SASH1: variants seen among roughly 807,000 people sequenced by gnomAD.
The protein encoded by SASH1 is SAM and SH3 domain-containing protein 1.
Under a neutral mutation model 125.2 loss-of-function variants are expected in SASH1, and 44 were observed. The ratio of observed to expected loss-of-function variants is 0.35; its 90% CI spans 0.28 to 0.45. The LOEUF (loss-of-function observed/expected upper bound fraction) is 0.45. Ranked by LOEUF, SASH1 falls within the 20% of genes least tolerant of loss-of-function variation. The pLI is 1.00. For missense variants in SASH1, 1,426 were observed against 1,614.5 expected (o/e 0.88, Z 2.00); for synonymous variants, 639 against 649.1 (o/e 0.98, Z 0.24).
At chr6:148,494,568 A>G (rs1779236858) in intron 8 of SASH1, among the ~76,000 whole-genome samples, 1 of 152,182 alleles carries the variant, frequency 6.6e-6, no homozygotes, top group Admixed American at 6.5e-5. Flanking sequence ...TAGAGGTTGC[A>G]GTGAGCCGAG....
the SASH1 span, among the ~76,000 whole-genome samples, chr6:148,229,099 A>C: frequency 7.7e-6 from 1 of 130,596 alleles, no homozygotes; most frequent in Non-Finnish European, 1.5e-5. Flanking sequence ...GCACTACTGC[A>C]CTCCAGCCTG....
the SASH1 span, among the ~76,000 whole-genome samples, chr6:148,196,677 C>G: frequency 6.6e-6 from 1 of 152,282 alleles, no homozygotes; most frequent in South Asian, 2.1e-4. Context: ...AAGACGTGAT[C>G]TTGACTCAGG....
At chr6:148,241,022 T>A in the SASH1 span, among the ~76,000 whole-genome samples, 2 of 152,216 alleles carry the variant, frequency 1.3e-5, no homozygotes, top group African/African-American at 4.8e-5. Context: ...AAACAAAACA[T>A]GTCAAAGTCT....
chr6:148,310,956 T>C (rs1780309938), intron 1 of SASH1, among the ~76,000 whole-genome samples: 1 of 151,762 alleles, frequency 6.6e-6, no homozygotes, highest in South Asian at 2.1e-4. Flanking sequence ...TTTTGTTTTG[T>C]TTTTTTGAGC....
At chr6:148,499,643 A>G (rs1282304523) in intron 8 of SASH1, among the ~76,000 whole-genome samples, 1 of 152,166 alleles carries the variant, frequency 6.6e-6, no homozygotes, top group Non-Finnish European at 1.5e-5. Context: ...TTCCCAGAGA[A>G]GGTGGTTGAC....
intron 1 of SASH1, 85 bp downstream of exon 1, chr6:148,343,308 A>C: frequency 7.4e-7 from 1 of 1,348,648 alleles, no homozygotes; most frequent in Non-Finnish European, 1.0e-6. Context: ...TCGCCCACCC[A>C]CTGGGCAACC....
At chr6:148,272,412 G>A (rs1026059855) in intron 1 of SASH1, 2 of 469,742 alleles carry the variant, frequency 4.3e-6, no homozygotes, top group Admixed American at 4.7e-5. Flanking sequence ...TTTTAAGACT[G>A]TTTTTGGTGC....
chr6:148,282,753 C>T (rs998937378), intron 1 of SASH1, among the ~76,000 whole-genome samples: 2 of 56,974 alleles, frequency 3.5e-5, no homozygotes, highest in Admixed American at 2.0e-4. Context: ...AACACAACCA[C>T]TATATTAGGA....
Position 148,544,405 on chromosome 6 carries a change from A to G in SASH1, c.2935A>G (p.Lys979Glu). 1 of 1,614,206 alleles carries G rather than the reference A, an allele frequency of 6.2e-7. No homozygotes were observed. Among genetic ancestry groups the G allele is most frequent in the Non-Finnish European group, 8.5e-7 (1 of 1,180,032 alleles). Residue 979 changes from lysine to glutamate, a missense_variant, in exon 18 of 20, where the codon AAA becomes GAA. Lys to Glu is a moderately conservative substitution (Grantham distance 56). Coordinates refer to ENST00000367467, the MANE Select transcript of SASH1 (RefSeq NM_015278.5). This position sits in a 1 kb window ranked among gnomAD's most constrained non-coding sequence, Gnocchi z 6.4. ...AGATGCTGAGCAGAGAATGCAGCCC[A>G]AAATTCCATCACAGCCTCCACCTGT... is the stretch of plus-strand genomic sequence containing the variant. ...GVDAEQRMQP[K>E]IPSQPPPVPA...
chr6:148,542,885 C>A (rs138154470), intron 17 of SASH1, among the ~76,000 whole-genome samples: 1 of 151,800 alleles, frequency 6.6e-6, no homozygotes, highest in African/African-American at 2.4e-5. Flanking sequence ...TGTGTGCGCG[C>A]GCACATGTAA....
At chr6:148,209,113 T>A in the SASH1 span, among the ~76,000 whole-genome samples, 1 of 152,244 alleles carries the variant, frequency 6.6e-6, no homozygotes, top group African/African-American at 2.4e-5. Flanking sequence ...TTGATACACA[T>A]GCATATTTCC....
In SASH1 at chr6:148,337,223, AT is replaced by A. The variant is rs10659889; in HGVS notation, n.75-52893del. On this transcript the variant is annotated intron_variant and non_coding_transcript_variant, in intron 1 of 3. Transcript: ENST00000367469. ...AGGTGCCCACCACTACATCCAGCTA[AT>A]TTTTTTTTTTTTTTTTTGAGATGGA... Among the ~76,000 whole-genome samples, 694 of 124,538 alleles carry A rather than the reference AT, an allele frequency of 5.6e-3. 4 individuals are homozygous for A. The highest frequency in any genetic ancestry group is 0.016 in the East Asian group (70 of 4,308). The allele number at this position is 124,538 out of a possible 152,430, so 81.7% of individuals were successfully genotyped here.
chr6:148,259,336 C>T, the SASH1 span, among the ~76,000 whole-genome samples: 1 of 152,208 alleles, frequency 6.6e-6, no homozygotes, highest in Non-Finnish European at 1.5e-5. Context: ...GTAAACAATT[C>T]CCAAACTGTT....
intron 1 of SASH1, among the ~76,000 whole-genome samples, chr6:148,366,457 C>T (rs1214380326): frequency 4.6e-5 from 7 of 152,082 alleles, no homozygotes; most frequent in African/African-American, 9.7e-5. Flanking sequence ...AAGTCTTGTC[C>T]GGACTTGGTG....
chr6:148,203,800 T>C, the SASH1 span, among the ~76,000 whole-genome samples: 1 of 152,212 alleles, frequency 6.6e-6, no homozygotes, highest in East Asian at 1.9e-4. Flanking sequence ...GAAACCTACA[T>C]AGCAGTCCCT....
intron 10 of SASH1, 151 bp downstream of exon 10, chr6:148,520,044 C>A: frequency 1.6e-6 from 1 of 625,624 alleles, no homozygotes; most frequent in Non-Finnish European, 2.7e-6. Context: ...TCTCTGCCAG[C>A]GTCCCTCCAG....
the SASH1 span, among the ~76,000 whole-genome samples, chr6:148,252,709 C>A: frequency 1.3e-5 from 2 of 152,142 alleles, no homozygotes; most frequent in African/African-American, 4.8e-5. Context: ...AAACTGCTGA[C>A]CTCACGTGAT....
intron 1 of SASH1, among the ~76,000 whole-genome samples, chr6:148,310,451 G>T (rs1251281902): frequency 6.8e-6 from 1 of 147,584 alleles, no homozygotes; most frequent in African/African-American, 2.5e-5. Flanking sequence ...ATAGATTGTA[G>T]ACCTCAATGT....
intron 1 of SASH1, among the ~76,000 whole-genome samples, chr6:148,359,244 C>T (rs996198383): frequency 2.0e-5 from 3 of 151,740 alleles, no homozygotes; most frequent in African/African-American, 4.8e-5. Context: ...CTGTAACCTC[C>T]GCCTCCTGGG....
Sources: allele counts gnomAD v4.1 joint callset (sites outside exome capture counted in the v4.1 genomes callset), GRCh38; gene constraint gnomAD v4.1.1; non-coding constraint Gnocchi (gnomAD v3.1); transcripts MANE v1.5; gene names NCBI Gene and HGNC (gene_info 2026-07-23, HGNC 2026-07-21).